Variants in NEDD9 observed in about 807,000 individuals in gnomAD.
NEDD9 encodes neural precursor cell expressed, developmentally down-regulated 9.
A neutral mutation model predicts 76.6 loss-of-function variants in NEDD9; 26 were observed. The ratio of observed to expected loss-of-function variants is 0.34; its 90% CI spans 0.25 to 0.47. The LOEUF is 0.47. Among genes scored for constraint, NEDD9 ranks in the 20% least tolerant of loss-of-function variants. The pLI, the probability that NEDD9 is intolerant of heterozygous loss-of-function variation, is 1.00. For synonymous variants in NEDD9, 392 were observed against 414.2 expected, an observed-to-expected ratio of 0.95 and a Z score of 0.65; for missense variants, 937 against 1,058.5, an observed-to-expected ratio of 0.89 and a Z score of 1.59.
At chr6:11,232,253 C>T (rs374658242) in intron 1 of NEDD9, among the ~76,000 whole-genome samples, 7 of 152,210 alleles carry the variant, frequency 4.6e-5, no homozygotes, top group Admixed American at 1.3e-4. Flanking sequence ...GTCTTAACTT[C>T]TCACCGAGGT....
rs74661754 is a variant in NEDD9 at position 11,332,058 on chromosome 6, A to C, written c.-153+2443T>G. 0.011 allele frequency among the ~76,000 whole-genome samples: 1,725 copies of C among 152,350 alleles called. 44 individuals are homozygous for C. In the East Asian group the frequency reaches 0.12, roughly 11 times the overall value. On this transcript the variant is annotated intron_variant, in intron 2 of 3. Transcript: ENST00000397378. The stretch of plus-strand genomic sequence containing the variant: ...TTGAACCAGAAGCAACATGTCTTTC[A>C]TGAGCATTTAGGATGAAAGATGTAA...
chr6:11,346,079 C>T lies in NEDD9; in HGVS notation c.-213-11518G>A, dbSNP rs143476937. On this transcript the variant is annotated intron_variant, in intron 1 of 3. Transcript: ENST00000397378. ...CTTGCCACTCTCTGACATGGTCTAG[C>T]GTGTTTATTTATTTATTTGGCTTTT... Among the ~76,000 whole-genome samples, 43 of 152,312 alleles carry T rather than the reference C, an allele frequency of 2.8e-4. No homozygotes were observed. In the East Asian group the frequency reaches 7.1e-3, roughly 25 times the overall value.
chr6:11,374,841 A>C (rs1762946038), intron 1 of NEDD9, among the ~76,000 whole-genome samples: 1 of 152,220 alleles, frequency 6.6e-6, no homozygotes, highest in Non-Finnish European at 1.5e-5. Flanking sequence ...TGAAAGCCTT[A>C]ATTTGCCCAC....
At chr6:11,232,430 C>A in intron 1 of NEDD9, 74 bp downstream of exon 1, 4 of 1,566,920 alleles carry the variant, frequency 2.6e-6, no homozygotes, top group Non-Finnish European at 2.6e-6. Flanking sequence ...CAGTAAGGAA[C>A]ACGCATACAC....
chr6:11,186,365 A>C (rs1368164571), intron 6 of NEDD9, among the ~76,000 whole-genome samples: 1 of 152,218 alleles, frequency 6.6e-6, no homozygotes, highest in Non-Finnish European at 1.5e-5. Flanking sequence ...CCAGAGTCAG[A>C]TGCATCAGGT....
chr6:11,259,359 G>A (rs376447085), intron 3 of NEDD9, among the ~76,000 whole-genome samples: 2 of 152,202 alleles, frequency 1.3e-5, no homozygotes, highest in South Asian at 2.1e-4. Flanking sequence ...CACAGCAAAT[G>A]ATTTCGGATT....
intron 5 of NEDD9, among the ~76,000 whole-genome samples, chr6:11,188,947 AT>A (rs34060597): frequency 3.2e-4 from 47 of 145,940 alleles, no homozygotes; most frequent in Non-Finnish European, 4.2e-4. Context: ...ATCTTGGTAG[AT>A]TTTTTTTTTT....
intron 3 of NEDD9, among the ~76,000 whole-genome samples, chr6:11,263,897 C>T (rs751574915): frequency 1.3e-5 from 2 of 152,212 alleles, no homozygotes; most frequent in Non-Finnish European, 2.9e-5. Flanking sequence ...ATTTCTCTCA[C>T]AATAATCCAT....
intron 1 of NEDD9, among the ~76,000 whole-genome samples, chr6:11,366,881 CACTGTG>C (rs1411284292): frequency 6.6e-6 from 1 of 152,156 alleles, no homozygotes; most frequent in East Asian, 1.9e-4. Flanking sequence ...GCCCCAGGAC[CACTGTG>C]AAAGTGAAAT....
chr6:11,256,456 G>A (rs917827471), intron 3 of NEDD9, among the ~76,000 whole-genome samples: 2 of 152,008 alleles, frequency 1.3e-5, no homozygotes, highest in African/African-American at 4.8e-5. Flanking sequence ...AAGCGTAGGT[G>A]GTATCTCTTT....
intron 1 of NEDD9, among the ~76,000 whole-genome samples, chr6:11,221,006 C>T (rs1003890981): frequency 6.6e-6 from 1 of 152,150 alleles, no homozygotes; most frequent in African/African-American, 2.4e-5. Flanking sequence ...TCCTGGCCCA[C>T]GGTGGAAGAT....
At chr6:11,242,589 C>CAAAA (rs58475929) in intron 3 of NEDD9, among the ~76,000 whole-genome samples, 57 of 143,722 alleles carry the variant, frequency 4.0e-4, no homozygotes, top group African/African-American at 1.4e-3. Flanking sequence ...GGTCACCAGG[C>CAAAA]AAAAAAAAAA....
chr6:11,303,642 CAG>C (rs1280056792), intron 3 of NEDD9, among the ~76,000 whole-genome samples: 1 of 152,064 alleles, frequency 6.6e-6, no homozygotes, highest in Admixed American at 6.6e-5. Context: ...ACAGAGGCCT[CAG>C]AAATAACATC....
At chr6:11,242,356 GA>G (rs1759725264) in intron 3 of NEDD9, among the ~76,000 whole-genome samples, 1 of 152,132 alleles carries the variant, frequency 6.6e-6, no homozygotes, top group Non-Finnish European at 1.5e-5. Context: ...GTAGACAAGG[GA>G]GTGTTGCAAG....
intron 2 of NEDD9, among the ~76,000 whole-genome samples, chr6:11,322,401 A>G (rs559365142): frequency 3.9e-5 from 6 of 152,178 alleles, no homozygotes; most frequent in Non-Finnish European, 7.4e-5. Context: ...CTGGCACCTG[A>G]GGACTGAGCT....
intron 1 of NEDD9, among the ~76,000 whole-genome samples, chr6:11,216,429 AAT>A (rs202026082): frequency 0.024 from 3,684 of 152,332 alleles, 58 homozygotes; most frequent in Non-Finnish European, 0.037. Flanking sequence ...CAGATGAGGA[AAT>A]AGATTTGAAG....
chr6:11,378,706 T>G (rs1763009107), intron 1 of NEDD9, among the ~76,000 whole-genome samples: 1 of 152,232 alleles, frequency 6.6e-6, no homozygotes, highest in Non-Finnish European at 1.5e-5. Context: ...CACCCTCATG[T>G]ATCACTTTCC....
intron 1 of NEDD9, among the ~76,000 whole-genome samples, chr6:11,376,066 C>T (rs561889949): frequency 4.6e-5 from 7 of 152,302 alleles, no homozygotes; most frequent in South Asian, 2.1e-4. Flanking sequence ...CCTCGTGATC[C>T]GCCCGTCTCG....
intron 1 of NEDD9, among the ~76,000 whole-genome samples, chr6:11,355,386 C>A (rs1762546209): frequency 6.6e-6 from 1 of 152,076 alleles, no homozygotes; most frequent in Non-Finnish European, 1.5e-5. Flanking sequence ...AATTTGAATT[C>A]TTCTTGCAGT....
Sources: allele counts gnomAD v4.1 joint callset (sites outside exome capture counted in the v4.1 genomes callset), GRCh38; gene constraint gnomAD v4.1.1; transcripts MANE v1.5; gene names NCBI Gene and HGNC (gene_info 2026-07-23, HGNC 2026-07-21).